STRN: variants seen among roughly 807,000 people sequenced by gnomAD.
STRN encodes striatin.
Under a neutral mutation model 96.3 loss-of-function variants are expected in STRN, and 53 were observed. That is an observed-to-expected ratio of 0.55 (90% CI 0.44 to 0.69). The LOEUF (loss-of-function observed/expected upper bound fraction) is 0.69. Among genes scored for constraint, STRN ranks in the 30% least tolerant of loss-of-function variants. The probability of loss-of-function intolerance (pLI) is 0.00; values close to 1 mark genes in which losing one functional copy is unlikely to be tolerated. For missense variants in STRN, 987 were observed against 963.9 expected (o/e 1.02, Z -0.32); for synonymous variants, 428 against 355.9 (o/e 1.20, Z -2.28).
At chr2:36,932,696 G>A (rs141384805) in intron 1 of STRN, among the ~76,000 whole-genome samples, 104 of 152,128 alleles carry the variant, frequency 6.8e-4, no homozygotes, top group African/African-American at 2.3e-3. Context: ...TTGAACTCCC[G>A]GGCTCAAGTG....
At chr2:36,930,291 G>T (rs543694157) in intron 1 of STRN, among the ~76,000 whole-genome samples, 2 of 152,030 alleles carry the variant, frequency 1.3e-5, no homozygotes, top group Admixed American at 6.6e-5. Context: ...AATTAGCCAG[G>T]CATGGTGGCG....
chr2:36,880,250 G>A (rs546476257), intron 9 of STRN, among the ~76,000 whole-genome samples: 13 of 152,326 alleles, frequency 8.5e-5, no homozygotes, highest in Admixed American at 2.0e-4. Flanking sequence ...TTACAGGCGT[G>A]AGCCATCATG....
At chr2:36,893,478 T>C (rs1669455552) in intron 7 of STRN, among the ~76,000 whole-genome samples, 1 of 152,184 alleles carries the variant, frequency 6.6e-6, no homozygotes, top group African/African-American at 2.4e-5. Flanking sequence ...TTTTACGAAC[T>C]GTCAAATCTT....
chr2:36,917,211 A>C (rs1018544946), intron 2 of STRN, among the ~76,000 whole-genome samples: 2 of 151,368 alleles, frequency 1.3e-5, no homozygotes, highest in Non-Finnish European at 2.9e-5. Context: ...ACTTACCGTT[A>C]GGTTTTTTCA....
intron 10 of STRN, 149 bp downstream of exon 10, chr2:36,877,742 G>C: frequency 1.4e-6 from 1 of 740,540 alleles, no homozygotes; most frequent in Admixed American, 3.0e-5. Flanking sequence ...CTCAATGTTG[G>C]CCAGGCTGGT....
At position 36,965,932 on chromosome 2, in the gene STRN, G is replaced by T. The variant is rs3770769; in HGVS notation, c.234+298C>A. ...ATTAGTAAACCGAGAGGGCAGCCCT[G>T]AGATGCAGGATGGCCAGAGAGTTGA... On this transcript the variant is annotated intron_variant, in intron 1 of 17. Transcript: ENST00000263918. 9.1e-4 allele frequency among the ~76,000 whole-genome samples: 138 copies of T among 152,266 alleles called. 2 individuals are homozygous for T. The East Asian group carries it at 0.022, about 25-fold the overall frequency.
At chr2:36,850,781 G>A (rs188915268) in intron 16 of STRN, among the ~76,000 whole-genome samples, 20 of 152,114 alleles carry the variant, frequency 1.3e-4, no homozygotes, top group Non-Finnish European at 2.5e-4. Flanking sequence ...TATAGCATCT[G>A]CTCACTATTA....
intron 9 of STRN, among the ~76,000 whole-genome samples, chr2:36,882,257 T>C (rs538071338): frequency 6.6e-6 from 1 of 152,240 alleles, no homozygotes; most frequent in African/African-American, 2.4e-5. Flanking sequence ...CAATAAATAA[T>C]AATTTGAAGA....
At chr2:36,925,069 C>T in intron 2 of STRN, 36 bp downstream of exon 2, 1 of 1,576,506 alleles carries the variant, frequency 6.3e-7, no homozygotes, top group South Asian at 1.1e-5. Flanking sequence ...AACAAATAAA[C>T]AAAAAAGAAC....
chr2:36,903,206 T>G (rs1669735068), intron 4 of STRN, among the ~76,000 whole-genome samples: 1 of 152,184 alleles, frequency 6.6e-6, no homozygotes, highest in South Asian at 2.1e-4. Context: ...CTCGAGTCAC[T>G]CTACAGAATT....
rs112086436 is a variant in STRN at position 36,870,028 on chromosome 2, T to G, written c.1324-299A>C. ...TACTAGGATGATAAATAATACCAAG[T>G]AATTCAACACAAATTATAGTATACA... On this transcript the variant is annotated intron_variant, in intron 10 of 17. Transcript: ENST00000263918. Among the ~76,000 whole-genome samples the G allele has an allele frequency of 7.7e-3, 1,178 of 152,238 alleles. 22 individuals are homozygous for G. Among genetic ancestry groups the G allele is most frequent in the African/African-American group, 0.027 (1,118 of 41,542 alleles).
At chr2:36,871,682 C>T (rs1304435788) in intron 10 of STRN, among the ~76,000 whole-genome samples, 1 of 152,166 alleles carries the variant, frequency 6.6e-6, no homozygotes, top group Non-Finnish European at 1.5e-5. Flanking sequence ...ACTGAAAATA[C>T]TTTATATGCA....
At chr2:36,865,888 G>C (rs1332649647) in intron 12 of STRN, among the ~76,000 whole-genome samples, 2 of 152,006 alleles carry the variant, frequency 1.3e-5, no homozygotes, top group African/African-American at 2.4e-5. Flanking sequence ...TGGGTGTTTA[G>C]CACCATAAAT....
At chr2:36,917,467 T>A (rs1228292549) in intron 2 of STRN, among the ~76,000 whole-genome samples, 1 of 145,834 alleles carries the variant, frequency 6.9e-6, no homozygotes, top group East Asian at 2.0e-4. Flanking sequence ...TTGCAGTGAG[T>A]GAGCCAAGAT....
chr2:36,866,859 T>G (rs187032391), intron 12 of STRN, among the ~76,000 whole-genome samples: 1 of 152,348 alleles, frequency 6.6e-6, no homozygotes, highest in East Asian at 1.9e-4. Flanking sequence ...TGCTTTTTTC[T>G]GTTTTCCATT....
intron 1 of STRN, among the ~76,000 whole-genome samples, chr2:36,963,560 C>G (rs530157458): frequency 6.6e-6 from 1 of 152,000 alleles, no homozygotes; most frequent in Non-Finnish European, 1.5e-5. Context: ...CAAACTCTTC[C>G]CCCCAAAATA....
chr2:36,903,190 T>C (rs1669734724), intron 4 of STRN, among the ~76,000 whole-genome samples: 1 of 152,196 alleles, frequency 6.6e-6, no homozygotes, highest in Non-Finnish European at 1.5e-5. Flanking sequence ...CACAAGGTAG[T>C]TATTTCTCGA....
chr2:36,897,157 A>C (rs911318216), intron 6 of STRN, among the ~76,000 whole-genome samples: 17 of 151,874 alleles, frequency 1.1e-4, no homozygotes, highest in Admixed American at 5.3e-4. Context: ...ACAAGAGTGA[A>C]ACTCCGTCTC....
chr2:36,954,334 A>T (rs1664829237), intron 1 of STRN, among the ~76,000 whole-genome samples: 1 of 151,814 alleles, frequency 6.6e-6, no homozygotes, highest in Non-Finnish European at 1.5e-5. Flanking sequence ...AATATGGCAA[A>T]ACCCTGTCTC....
Sources: gnomAD v4.1 joint callset for allele counts (sites outside exome capture counted in the v4.1 genomes callset) on GRCh38, gnomAD v4.1.1 for gene constraint, MANE v1.5 for transcripts, NCBI Gene and HGNC (gene_info 2026-07-23, HGNC 2026-07-21) for gene names.